TG: variants seen among roughly 807,000 people sequenced by gnomAD.
TG encodes the protein thyroglobulin, also known as thyroid hormones.
In TG, 270 loss-of-function variants were observed where a neutral mutation model predicts 324.7. That is an observed-to-expected ratio of 0.83 (90% confidence interval 0.75 to 0.92). The LOEUF is 0.92. Among genes scored for constraint, TG ranks in the 40% least tolerant of loss-of-function variants. TG has a pLI of 0.00. For missense variants in TG, 3,591 were observed against 3,456.4 expected (o/e 1.04, Z -0.98); for synonymous variants, 1,401 against 1,327.0 (o/e 1.06, Z -1.21).
chr8:132,943,438 A>G (rs1824755940), intron 26 of TG, among the ~76,000 whole-genome samples: 2 of 152,234 alleles, frequency 1.3e-5, no homozygotes, highest in South Asian at 4.2e-4. Context: ...ATCATGAGCC[A>G]ATTAAATCTC....
In TG at chr8:132,898,167, A is replaced by C. The variant is rs1284462718; in HGVS notation, c.3140-2A>C. 4 of 1,599,164 alleles carry C rather than the reference A, an allele frequency of 2.5e-6. No homozygotes were observed. The highest frequency in any genetic ancestry group is 3.4e-6 in the Non-Finnish European group (4 of 1,172,134). On this transcript the variant is annotated splice_acceptor_variant, in intron 12 of 47. Coordinates refer to ENST00000220616, the MANE Select transcript of TG (RefSeq NM_003235.5). LOFTEE classifies it high-confidence loss of function. ...AATGTTCTCCCCTTGGCTCTTTTCC[A>C]GGGCACTGCTGGTGTGTAGATGAGA...
At chr8:133,050,080 A>C in intron 41 of TG, 1 of 853,292 alleles carries the variant, frequency 1.2e-6, no homozygotes, top group Non-Finnish European at 2.0e-6. Flanking sequence ...AACCCAGGAC[A>C]GTTTGGAACA....
At position 132,873,237 on chromosome 8, in the gene TG, G is replaced by A; in HGVS notation, c.638+16G>A. On this transcript the variant is annotated intron_variant, in intron 5 of 47. Transcript: ENST00000220616. ...GCTACAACAGGTAAGGGGAGCAGGG[G>A]TGTGCCAGTCACTGGGCCATCACCT... The A allele has an allele frequency of 6.2e-7, 1 of 1,613,888 alleles. No individual in the cohort carries two copies. The highest frequency in any genetic ancestry group is 1.1e-5 in the South Asian group (1 of 91,040).
At chr8:133,112,901 C>A (rs1850379070) in intron 43 of TG, among the ~76,000 whole-genome samples, 2 of 152,128 alleles carry the variant, frequency 1.3e-5, no homozygotes, top group Non-Finnish European at 2.9e-5. Flanking sequence ...TTTCTCCAAG[C>A]CTGGGGCACT....
intron 41 of TG, among the ~76,000 whole-genome samples, chr8:133,082,749 C>A (rs188782743): frequency 4.6e-5 from 7 of 152,350 alleles, no homozygotes; most frequent in Admixed American, 3.9e-4. Flanking sequence ...TCTGTAACAG[C>A]ATTATGATGA....
At chr8:132,985,111 C>T (rs955316484) in intron 35 of TG, among the ~76,000 whole-genome samples, 2 of 152,038 alleles carry the variant, frequency 1.3e-5, no homozygotes, top group Non-Finnish European at 2.9e-5. Flanking sequence ...GTTCCATAGC[C>T]GTGTGTTCAA....
At chr8:132,999,961 T>C (rs1231078556) in intron 35 of TG, among the ~76,000 whole-genome samples, 5 of 152,192 alleles carry the variant, frequency 3.3e-5, no homozygotes, top group African/African-American at 9.7e-5. Flanking sequence ...ACAGCATTTC[T>C]TTCCAGGAAG....
chr8:132,916,630 T>C (rs1018447169), intron 20 of TG, among the ~76,000 whole-genome samples: 1 of 152,174 alleles, frequency 6.6e-6, no homozygotes, highest in Non-Finnish European at 1.5e-5. Flanking sequence ...TGCTCATGAC[T>C]CGTGTAGGCA....
At chr8:132,872,933 G>T (rs1315733698) in intron 4 of TG, 129 bp from the exon 5 acceptor site, 3 of 1,040,566 alleles carry the variant, frequency 2.9e-6, no homozygotes, top group Non-Finnish European at 4.3e-6. Flanking sequence ...ACACGACAAT[G>T]AAACCGCCGA....
rs143016924 is a variant in TG, at chr8:133,095,734, A to G, written c.7405-472A>G. 1.3e-4 allele frequency among the ~76,000 whole-genome samples: 20 copies of G among 152,348 alleles called. No individual in the cohort carries two copies. In the South Asian group the frequency reaches 1.5e-3, roughly 11 times the overall value. On this transcript the variant is annotated intron_variant, in intron 42 of 47. Transcript: ENST00000220616. ...CCTTCACATTAATGAAGGGGACATT[A>G]GCAGGAATAATTGTCATGGCAATTG...
At chr8:133,110,834 C>G (rs2131742433) in intron 43 of TG, among the ~76,000 whole-genome samples, 1 of 152,294 alleles carries the variant, frequency 6.6e-6, no homozygotes, top group African/African-American at 2.4e-5. Flanking sequence ...AGCTCCAGGC[C>G]ATTGCACCTT....
intron 4 of TG, 23 bp from the exon 5 acceptor site, chr8:132,873,039 T>G (rs759516171): frequency 1.2e-6 from 2 of 1,613,894 alleles, no homozygotes; most frequent in East Asian, 4.5e-5. Flanking sequence ...ATATAAGGAT[T>G]TTTTTTTCGT....
rs200217990 is a variant in TG, at chr8:132,871,453, C to G, written c.380C>G (p.Ala127Gly). The G allele has an allele frequency of 1.2e-6, 2 of 1,614,190 alleles. No homozygotes were observed. Among genetic ancestry groups the G allele is most frequent in the South Asian group, 1.1e-5 (1 of 91,084 alleles). Residue 127 changes from alanine (A) to glycine (G), a missense_variant, in exon 4 of 48, where the codon GCG becomes GGG. Physicochemically the swap from Ala to Gly is moderately conservative, Grantham distance 60 (BLOSUM62 0). Coordinates refer to ENST00000220616, the MANE Select transcript of TG (RefSeq NM_003235.5). ...CAGTGTCAGGATTCAGGGGACTACGCGCCTGTTCAGTGTGATGTGCAGCAG... is the reference window on the plus strand; with the variant it reads ...CAGTGTCAGGATTCAGGGGACTACGGGCCTGTTCAGTGTGATGTGCAGCAG... Reference protein sequence around the residue: ...LPQCQDSGDYAPVQCDVQQVQ... With the variant: ...LPQCQDSGDYGPVQCDVQQVQ...
intron 17 of TG, 34 bp downstream of exon 17, chr8:132,906,934 G>T (rs116597590): frequency 1.3e-6 from 2 of 1,577,996 alleles, no homozygotes; most frequent in Non-Finnish European, 1.7e-6. Context: ...CCTGCACCCC[G>T]CTCCCTCTCA....
chr8:132,881,716 T>G, intron 5 of TG, 147 bp from the exon 6 acceptor site: 1 of 705,150 alleles, frequency 1.4e-6, no homozygotes. Context: ...ATGCATTTAC[T>G]GCAGGAAGCA....
chr8:133,004,294 G>C (rs182327850), intron 35 of TG, among the ~76,000 whole-genome samples: 1 of 152,188 alleles, frequency 6.6e-6, no homozygotes, highest in Admixed American at 6.5e-5. Flanking sequence ...GTGCCTACTA[G>C]CTGCTGGGAA....
At chr8:132,947,533 G>A (rs1825493963) in intron 26 of TG, among the ~76,000 whole-genome samples, 1 of 152,168 alleles carries the variant, frequency 6.6e-6, no homozygotes, top group African/African-American at 2.4e-5. Flanking sequence ...ACCTACTCTG[G>A]GGAAATTTTG....
intron 10 of TG, among the ~76,000 whole-genome samples, chr8:132,891,354 T>G (rs908012182): frequency 5.9e-5 from 9 of 152,142 alleles, no homozygotes; most frequent in African/African-American, 2.2e-4. Flanking sequence ...ATAATTTTTT[T>G]GAGACAGTCT....
chr8:133,095,044 G>T lies in TG; in HGVS notation c.7240G>T (p.Gly2414Ter), dbSNP rs200705981. The change falls in exon 42 of 48, where the codon GGA becomes TGA. Residue 2414 changes from glycine to a stop codon, truncating the protein, a stop_gained and splice_region_variant. Coordinates refer to ENST00000220616, the MANE Select transcript of TG (RefSeq NM_003235.5). LOFTEE classifies it high-confidence loss of function. ...SQLFRRAVLMGGSALSPAAVI... is the reference protein window; with the variant it reads ...SQLFRRAVLM ...GCCCTGAGCCTGCTTTCTCTTCCAG[G>T]GAGGCTCCGCACTCTCCCCGGCCGC... is the stretch of plus-strand genomic sequence containing the variant. The T allele has an allele frequency of 6.2e-7, 1 of 1,613,384 alleles. No individual in the cohort carries two copies.
Sources: gnomAD v4.1 joint callset for allele counts (sites outside exome capture counted in the v4.1 genomes callset) on GRCh38, gnomAD v4.1.1 for gene constraint, MANE v1.5 for transcripts, NCBI Gene and HGNC (gene_info 2026-07-23, HGNC 2026-07-21) for gene names.